The following CCDC81 variants were observed in gnomAD, a reference collection of about 807,000 sequenced individuals.
CCDC81 encodes coiled-coil domain containing 81, also known as coiled-coil domain-containing protein 81.
Under a neutral mutation model 83.7 loss-of-function variants are expected in CCDC81, and 79 were observed. That is an observed-to-expected ratio of 0.94 (90% CI 0.79 to 1.14). CCDC81 has a LOEUF of 1.14. Among genes scored for constraint, CCDC81 ranks in the 50% most tolerant of loss-of-function variants. The pLI is 0.00. For synonymous variants in CCDC81, 252 were observed against 278.1 expected (o/e 0.91, Z 0.93); for missense variants, 791 against 778.1 (o/e 1.02, Z -0.20).
chr11:86,397,899 T>A (rs562800388), intron 6 of CCDC81, among the ~76,000 whole-genome samples, 157 bp downstream of exon 6: 6 of 152,144 alleles, frequency 3.9e-5, no homozygotes, highest in Admixed American at 3.9e-4. Flanking sequence ...GCCCAGGCTG[T>A]AGTGCAGTGG....
chr11:86,401,821 ATGTT>A (rs979133304), intron 7 of CCDC81, among the ~76,000 whole-genome samples: 1 of 152,154 alleles, frequency 6.6e-6, no homozygotes. Context: ...TGACTCAAAA[ATGTT>A]TGTTTCCTGT....
rs1311463181 is a variant in CCDC81 at position 86,419,962 on chromosome 11, GTAAA to G, written c.1729_1732del (p.Asn577GlufsTer16). On this transcript the variant is annotated frameshift_variant, in exon 14 of 15. Coordinates refer to ENST00000445632, the MANE Select transcript of CCDC81 (RefSeq NM_001156474.2). LOFTEE classifies it high-confidence loss of function. ...AGACAGAACCGCTGAGCTGGAGCGAGTAAATAGAGTCAACCAATGCTTACAGGAG... is the reference window on the plus strand; with the variant it reads ...AGACAGAACCGCTGAGCTGGAGCGAGTAGAGTCAACCAATGCTTACAGGAG... 1.2e-6 allele frequency: 2 copies of G among 1,613,856 alleles called. No individual in the cohort carries two copies. The highest frequency in any genetic ancestry group is 1.7e-6 in the Non-Finnish European group (2 of 1,179,900).
At chr11:86,400,130 CA>C (rs560965042) in intron 6 of CCDC81, among the ~76,000 whole-genome samples, 41,347 of 106,196 alleles carry the variant, frequency 0.39, 5,579 homozygotes, top group Admixed American at 0.46. Context: ...GACTCCATCT[CA>C]AAAAAAAAAA....
chr11:86,398,520 C>G (rs1388240729), intron 6 of CCDC81, among the ~76,000 whole-genome samples: 1 of 151,664 alleles, frequency 6.6e-6, no homozygotes, highest in Non-Finnish European at 1.5e-5. Context: ...AATCCTAGGA[C>G]TCCAAAGATT....
intron 4 of CCDC81, among the ~76,000 whole-genome samples, chr11:86,394,291 G>T (rs1271337826): frequency 6.6e-6 from 1 of 152,156 alleles, no homozygotes; most frequent in Non-Finnish European, 1.5e-5. Flanking sequence ...TTTTCCAAAA[G>T]AACTAGTCCT....
At chr11:86,376,889 G>A (rs1187391995) in intron 1 of CCDC81, among the ~76,000 whole-genome samples, 1 of 152,178 alleles carries the variant, frequency 6.6e-6, no homozygotes, top group Non-Finnish European at 1.5e-5. Context: ...AAAATGACAT[G>A]TATCTATCAT....
At chr11:86,402,523 A>G (rs759871183) in intron 7 of CCDC81, among the ~76,000 whole-genome samples, 5 of 151,272 alleles carry the variant, frequency 3.3e-5, no homozygotes, top group Admixed American at 6.6e-5. Flanking sequence ...GGATATTTAG[A>G]TGGCTTCCAG....
chr11:86,398,149 T>C (rs1948436447), intron 6 of CCDC81, among the ~76,000 whole-genome samples: 1 of 152,222 alleles, frequency 6.6e-6, no homozygotes, highest in Non-Finnish European at 1.5e-5. Flanking sequence ...ATAATCACTA[T>C]ATTATTTCTA....
intron 13 of CCDC81, 123 bp from the exon 14 acceptor site, chr11:86,419,805 A>G: frequency 1.1e-6 from 1 of 928,456 alleles, no homozygotes; most frequent in South Asian, 2.5e-5. Context: ...GCTTTTTAGT[A>G]TATTTCAGAG....
chr11:86,419,768 A>C, intron 13 of CCDC81, 160 bp from the exon 14 acceptor site: 1 of 552,256 alleles, frequency 1.8e-6, no homozygotes, highest in African/African-American at 1.9e-5. Context: ...AGAGCTAGGA[A>C]TTTCAGTATG....
At chr11:86,395,089 C>T in intron 4 of CCDC81, 1 of 330,588 alleles carries the variant, frequency 3.0e-6, no homozygotes, top group South Asian at 7.9e-5. Flanking sequence ...AAGGCAATTC[C>T]CTAAAAGGAA....
At chr11:86,419,731 A>G (rs1339257273) in intron 13 of CCDC81, 197 bp from the exon 14 acceptor site, 1 of 439,794 alleles carries the variant, frequency 2.3e-6, no homozygotes, top group South Asian at 8.8e-5. Flanking sequence ...ATTGAAGATA[A>G]AAGACCTTTG....
chr11:86,383,363 A>G (rs1948198681), intron 1 of CCDC81, among the ~76,000 whole-genome samples: 2 of 152,220 alleles, frequency 1.3e-5, no homozygotes, highest in Admixed American at 1.3e-4. Flanking sequence ...CAGGAAACAT[A>G]TCTGTTTTTT....
At chr11:86,412,981 G>A (rs1166069879) in intron 11 of CCDC81, among the ~76,000 whole-genome samples, 4 of 152,160 alleles carry the variant, frequency 2.6e-5, no homozygotes, top group Non-Finnish European at 1.5e-5. Context: ...AGGGCTTTCT[G>A]TATCCGAGGG....
At position 86,412,377 on chromosome 11, in the gene CCDC81, T is replaced by G; in HGVS notation, c.1219-10T>G. On this transcript the variant is annotated splice_polypyrimidine_tract_variant and intron_variant, in intron 10 of 14. Coordinates refer to ENST00000445632, the MANE Select transcript of CCDC81 (RefSeq NM_001156474.2). ...TCTAGCATAAATGAATTGCTTCTCT[T>G]TCATTCTAGAAATCCTTCCTATTTG... The G allele has an allele frequency of 6.4e-7, 1 of 1,569,786 alleles. No individual in the cohort carries two copies. The highest frequency in any genetic ancestry group is 8.6e-7 in the Non-Finnish European group (1 of 1,161,344).
intron 1 of CCDC81, among the ~76,000 whole-genome samples, chr11:86,380,505 G>A (rs1412900943): frequency 6.6e-6 from 1 of 152,034 alleles, no homozygotes; most frequent in Non-Finnish European, 1.5e-5. Flanking sequence ...GACATTAGAG[G>A]GAAATTCTGA....
chr11:86,392,864 T>C lies in CCDC81; in HGVS notation c.555+67T>C, dbSNP rs562521508. 382 of 1,469,302 alleles carry C rather than the reference T, an allele frequency of 2.6e-4. 1 individual carries two copies. Among genetic ancestry groups the C allele is most frequent in the Middle Eastern group, 2.2e-3 (12 of 5,514 alleles). The allele number at this position is 1,469,302 out of a possible 1,614,324, so 91.0% of individuals were successfully genotyped here. On this transcript the variant is annotated intron_variant, in intron 4 of 14. Coordinates refer to ENST00000445632, the MANE Select transcript of CCDC81 (RefSeq NM_001156474.2). ...TGGTTCTGACTCATCTATAGGTGTG[T>C]TGTAATTAAGAAAAACGAAGGTTGA...
chr11:86,390,611 G>C (rs1277918041), intron 3 of CCDC81, among the ~76,000 whole-genome samples: 2 of 152,156 alleles, frequency 1.3e-5, no homozygotes, highest in African/African-American at 4.8e-5. Context: ...TGATCAGGAG[G>C]GGAAATGAGG....
chr11:86,417,107 G>A (rs539456123), intron 13 of CCDC81, among the ~76,000 whole-genome samples: 47 of 152,014 alleles, frequency 3.1e-4, no homozygotes, highest in African/African-American at 1.1e-3. Context: ...AGCTGGGCGT[G>A]TTGGTGTGCG....
Sources: gnomAD v4.1 joint callset for allele counts (sites outside exome capture counted in the v4.1 genomes callset) on GRCh38, gnomAD v4.1.1 for gene constraint, MANE v1.5 for transcripts, NCBI Gene and HGNC (gene_info 2026-07-23, HGNC 2026-07-21) for gene names.